The following KCND3 variants were observed in gnomAD, a reference collection of about 807,000 sequenced individuals.
KCND3 encodes potassium voltage-gated channel subfamily D member 3.
KCND3 carries 9 observed loss-of-function variants against 51.1 expected under a neutral mutation model. The ratio of observed to expected loss-of-function variants is 0.18; its 90% CI spans 0.11 to 0.31. The LOEUF is 0.31. KCND3 is among the 10% of genes least tolerant of loss of function. KCND3 has a pLI of 1.00. For synonymous variants in KCND3, 349 were observed against 368.0 expected (o/e 0.95, Z 0.59); for missense variants, 526 against 903.8 (o/e 0.58, Z 5.36).
chr1:111,946,187 C>T (rs746862803), intron 2 of KCND3, among the ~76,000 whole-genome samples: 20 of 152,170 alleles, frequency 1.3e-4, no homozygotes, highest in Non-Finnish European at 2.1e-4. Context: ...GGCCCATGCT[C>T]AGAGTACAGT....
chr1:111,804,749 A>G (rs1402598000), intron 2 of KCND3, among the ~76,000 whole-genome samples: 2 of 152,240 alleles, frequency 1.3e-5, no homozygotes, highest in African/African-American at 4.8e-5. Flanking sequence ...GATGGGTTCT[A>G]TAATTATCCC....
At chr1:111,927,057 C>T (rs181494457) in intron 2 of KCND3, among the ~76,000 whole-genome samples, 132 of 152,340 alleles carry the variant, frequency 8.7e-4, no homozygotes, top group African/African-American at 3.1e-3. Context: ...TCCACTGAAT[C>T]CTCACAATAC....
intron 3 of KCND3, among the ~76,000 whole-genome samples, chr1:111,782,383 T>G (rs1434863939): frequency 6.6e-6 from 1 of 151,778 alleles, no homozygotes; most frequent in African/African-American, 2.4e-5. Flanking sequence ...CTGCTCCTCT[T>G]GATGAAGGAG....
intron 2 of KCND3, among the ~76,000 whole-genome samples, chr1:111,869,296 G>A (rs766578020): frequency 6.6e-6 from 1 of 152,112 alleles, no homozygotes; most frequent in Admixed American, 6.5e-5. Flanking sequence ...AGCTCCTAGA[G>A]GCTCCTCCTG....
chr1:111,878,343 T>G (rs1669148738), intron 2 of KCND3, among the ~76,000 whole-genome samples: 1 of 152,230 alleles, frequency 6.6e-6, no homozygotes, highest in African/African-American at 2.4e-5. Context: ...CACGGGCTTC[T>G]AGTCAGCACG....
intron 2 of KCND3, among the ~76,000 whole-genome samples, chr1:111,812,972 G>T (rs1665924421): frequency 6.6e-6 from 1 of 152,186 alleles, no homozygotes; most frequent in South Asian, 2.1e-4. Flanking sequence ...GCTAGAGGCA[G>T]GAGCAGCCAG....
chr1:111,926,406 A>T (rs1328888483), intron 2 of KCND3, among the ~76,000 whole-genome samples: 1 of 152,238 alleles, frequency 6.6e-6, no homozygotes, highest in African/African-American at 2.4e-5. Flanking sequence ...GGTGAGGCAC[A>T]GTGGTTAAGT....
chr1:111,868,440 T>C (rs1476996503), intron 2 of KCND3, among the ~76,000 whole-genome samples: 1 of 152,142 alleles, frequency 6.6e-6, no homozygotes, highest in Admixed American at 6.5e-5. Flanking sequence ...AGTTTATAAA[T>C]TAAAATTTAT....
intron 2 of KCND3, among the ~76,000 whole-genome samples, chr1:111,919,244 G>A (rs974185485): frequency 6.6e-6 from 1 of 150,714 alleles, no homozygotes; most frequent in East Asian, 1.9e-4. Context: ...ACAAGTAAAT[G>A]AACAAGATAA....
chr1:111,833,616 C>A (rs894397721), intron 2 of KCND3, among the ~76,000 whole-genome samples: 7 of 152,166 alleles, frequency 4.6e-5, no homozygotes, highest in Non-Finnish European at 1.0e-4. Flanking sequence ...AGAACGCTGT[C>A]CAAATGTTGG....
intron 2 of KCND3, among the ~76,000 whole-genome samples, chr1:111,919,755 G>A (rs547597501): frequency 2.4e-4 from 37 of 152,280 alleles, no homozygotes; most frequent in South Asian, 8.3e-4. Context: ...AGTCCCCTCA[G>A]CAACACTCTT....
chr1:111,798,232 C>T (rs1377887991), intron 2 of KCND3, among the ~76,000 whole-genome samples: 1 of 152,144 alleles, frequency 6.6e-6, no homozygotes, highest in East Asian at 1.9e-4. Context: ...CTCCCATATG[C>T]ACTGGGCTCC....
chr1:111,885,035 G>A (rs1210200863), intron 2 of KCND3, among the ~76,000 whole-genome samples: 1 of 152,148 alleles, frequency 6.6e-6, no homozygotes, highest in African/African-American at 2.4e-5. Context: ...AGACATGGCC[G>A]AATGTCCCCT....
intron 2 of KCND3, among the ~76,000 whole-genome samples, chr1:111,876,763 G>A (rs1393010967): frequency 2.6e-5 from 4 of 152,242 alleles, no homozygotes; most frequent in African/African-American, 4.8e-5. Flanking sequence ...GAAGAGGGGG[G>A]AAGAGGAGCA....
intron 2 of KCND3, among the ~76,000 whole-genome samples, chr1:111,832,695 G>A (rs569792596): frequency 2.4e-4 from 36 of 151,236 alleles, no homozygotes; most frequent in Non-Finnish European, 3.8e-4. Context: ...TCCCCACCCC[G>A]CCCAGAATGC....
intron 2 of KCND3, among the ~76,000 whole-genome samples, chr1:111,820,251 C>G (rs920896589): frequency 2.6e-5 from 4 of 152,194 alleles, no homozygotes; most frequent in African/African-American, 7.2e-5. Context: ...GAATTCCCCC[C>G]TGCTGGTTCT....
In KCND3 at chr1:111,983,082, G is replaced by T. The variant is rs140731277; in HGVS notation, c.-72-284C>A. ...GGGCTCAAGAGCATTTGGAGGGAAG[G>T]CCTCTTTAGCAGGAAGATCTGGCAA... On this transcript the variant is annotated intron_variant, in intron 1 of 7. Coordinates refer to ENST00000302127, the MANE Select transcript of KCND3 (RefSeq NM_001378969.1). Among the ~76,000 whole-genome samples, 2,059 of 152,308 alleles carry T rather than the reference G, an allele frequency of 0.014. 22 individuals are homozygous for T. The highest frequency in any genetic ancestry group is 0.022 in the Non-Finnish European group (1,472 of 68,032).
intron 2 of KCND3, among the ~76,000 whole-genome samples, chr1:111,825,979 G>C (rs1355640210): frequency 6.6e-6 from 1 of 152,150 alleles, no homozygotes; most frequent in Non-Finnish European, 1.5e-5. Context: ...ATTGGGTAGG[G>C]TACTCACTAA....
At chr1:111,930,920 G>T (rs1480747287) in intron 2 of KCND3, among the ~76,000 whole-genome samples, 1 of 152,216 alleles carries the variant, frequency 6.6e-6, no homozygotes, top group Admixed American at 6.5e-5. Context: ...ATGCTACAAG[G>T]TCATTCTGTT....
Sources: allele counts gnomAD v4.1 joint callset (sites outside exome capture counted in the v4.1 genomes callset), GRCh38; gene constraint gnomAD v4.1.1; transcripts MANE v1.5; gene names NCBI Gene and HGNC (gene_info 2026-07-23, HGNC 2026-07-21).